Variants in STX8 observed in about 807,000 individuals in gnomAD.
STX8 encodes the protein syntaxin 8, also known as syntaxin-8.
STX8 carries 23 observed loss-of-function variants against 37.5 expected under a neutral mutation model. That is an observed-to-expected ratio of 0.61 (90% confidence interval 0.44 to 0.87). STX8 has a LOEUF of 0.87. Among genes scored for constraint, STX8 ranks in the 40% least tolerant of loss-of-function variants. STX8 has a pLI of 0.00. For synonymous variants in STX8, 115 were observed against 99.1 expected (o/e 1.16, Z -0.95); for missense variants, 313 against 284.7 (o/e 1.10, Z -0.71).
intron 6 of STX8, among the ~76,000 whole-genome samples, chr17:9,448,925 T>C (rs1190195383): frequency 6.6e-6 from 1 of 152,110 alleles, no homozygotes; most frequent in Non-Finnish European, 1.5e-5. Context: ...CTCTACATTA[T>C]TAAAAAAATA....
chr17:9,333,271 C>T (rs549184466), intron 7 of STX8, among the ~76,000 whole-genome samples: 2 of 152,300 alleles, frequency 1.3e-5, no homozygotes, highest in East Asian at 1.9e-4. Flanking sequence ...CCACAATAGT[C>T]CCCAATGTCT....
chr17:9,385,766 GTTT>G (rs1190442954), intron 6 of STX8, among the ~76,000 whole-genome samples: 1 of 151,980 alleles, frequency 6.6e-6, no homozygotes, highest in African/African-American at 2.4e-5. Context: ...TTACTCCTAG[GTTT>G]TTTGTTTTTT....
intron 7 of STX8, among the ~76,000 whole-genome samples, chr17:9,254,347 T>C (rs1906705409): frequency 6.6e-6 from 1 of 152,030 alleles, no homozygotes; most frequent in African/African-American, 2.4e-5. Context: ...CTCTTTGTCA[T>C]CCTCCAGTTA....
At chr17:9,433,850 G>A (rs1243419848) in intron 6 of STX8, among the ~76,000 whole-genome samples, 2 of 152,124 alleles carry the variant, frequency 1.3e-5, no homozygotes, top group Non-Finnish European at 2.9e-5. Context: ...CTACGGTTGT[G>A]TGTGTCTTTT....
chr17:9,382,674 A>G (rs1357154072), intron 6 of STX8, among the ~76,000 whole-genome samples: 3 of 152,238 alleles, frequency 2.0e-5, no homozygotes, highest in African/African-American at 4.8e-5. Context: ...TGGCAAAGCT[A>G]TATTAATATC....
chr17:9,263,105 G>A (rs1907105854), intron 7 of STX8, among the ~76,000 whole-genome samples: 1 of 152,192 alleles, frequency 6.6e-6, no homozygotes, highest in African/African-American at 2.4e-5. Flanking sequence ...CTCTGAAGGG[G>A]CTAAAGTCCC....
chr17:9,360,115 A>C (rs1418332203), intron 7 of STX8, among the ~76,000 whole-genome samples: 1 of 151,702 alleles, frequency 6.6e-6, no homozygotes, highest in South Asian at 2.1e-4. Flanking sequence ...AAATTACACT[A>C]TTTTAACCTT....
At chr17:9,484,732 CA>C (rs1304928731) in intron 6 of STX8, among the ~76,000 whole-genome samples, 9 of 151,374 alleles carry the variant, frequency 5.9e-5, no homozygotes, top group Admixed American at 5.9e-4. Flanking sequence ...GAGGCTGAGG[CA>C]CAAGAATCAC....
intron 7 of STX8, among the ~76,000 whole-genome samples, chr17:9,304,507 C>CAAAAAAAAAAAAAAAAAA (rs35673905): frequency 1.1e-3 from 60 of 56,630 alleles, no homozygotes; most frequent in East Asian, 1.8e-3. Flanking sequence ...GAAACTGTCT[C>CAAAAAAAAAAAAAAAAAA]AAAAAAAAAA....
At chr17:9,351,482 G>A (rs1032577320) in intron 7 of STX8, among the ~76,000 whole-genome samples, 1 of 151,930 alleles carries the variant, frequency 6.6e-6, no homozygotes, top group Admixed American at 6.6e-5. Context: ...ACTTAAACAT[G>A]CATCTCCTAA....
At position 9,475,404 on chromosome 17, in the gene STX8, T is replaced by C. The variant is rs79516601; in HGVS notation, c.541+16425A>G. Among the ~76,000 whole-genome samples the C allele has an allele frequency of 2.2e-3, 342 of 152,290 alleles. 7 individuals are homozygous for C. The East Asian group carries it at 0.058, about 26-fold the overall frequency. On this transcript the variant is annotated intron_variant, in intron 6 of 7. Transcript: ENST00000306357. ...GCTCCAAGCTTAGAGTCAATGGCTA[T>C]TGGCAGCCACAGAATGGCCTACAAA...
At chr17:9,417,082 G>A (rs969651263) in intron 6 of STX8, among the ~76,000 whole-genome samples, 1 of 152,104 alleles carries the variant, frequency 6.6e-6, no homozygotes, top group Non-Finnish European at 1.5e-5. Flanking sequence ...CCAATCAGCA[G>A]CACCCATTAC....
At chr17:9,481,568 C>T (rs983002651) in intron 6 of STX8, among the ~76,000 whole-genome samples, 51 of 152,126 alleles carry the variant, frequency 3.4e-4, no homozygotes, top group African/African-American at 1.1e-3. Flanking sequence ...CTCTTATCAC[C>T]AGGAGGGTCA....
chr17:9,350,384 A>T (rs1272496144), intron 7 of STX8, among the ~76,000 whole-genome samples: 5 of 152,246 alleles, frequency 3.3e-5, no homozygotes, highest in African/African-American at 1.2e-4. Flanking sequence ...AACTGTGGAA[A>T]GCAAGACCAA....
At chr17:9,411,800 G>A (rs1460301789) in intron 6 of STX8, among the ~76,000 whole-genome samples, 1 of 152,100 alleles carries the variant, frequency 6.6e-6, no homozygotes, top group Non-Finnish European at 1.5e-5. Context: ...TTAATATGCT[G>A]CATTTACTTC....
intron 6 of STX8, among the ~76,000 whole-genome samples, chr17:9,402,735 A>G (rs1383398768): frequency 6.6e-6 from 1 of 152,196 alleles, no homozygotes; most frequent in Non-Finnish European, 1.5e-5. Context: ...CTGAACTCTA[A>G]GAATTCCTCC....
chr17:9,393,508 G>A (rs763903026), intron 6 of STX8, among the ~76,000 whole-genome samples: 4 of 152,172 alleles, frequency 2.6e-5, no homozygotes, highest in Admixed American at 6.5e-5. Flanking sequence ...TTCAATGCAC[G>A]TAAGTATAAT....
At chr17:9,349,316 C>CTTTTTTT (rs61627405) in intron 7 of STX8, among the ~76,000 whole-genome samples, 15 of 109,788 alleles carry the variant, frequency 1.4e-4, no homozygotes, top group East Asian at 4.8e-4. Flanking sequence ...ATTTTCTTTT[C>CTTTTTTT]TTTTTTTTTT....
intron 2 of STX8, among the ~76,000 whole-genome samples, chr17:9,559,760 A>ATATATATATATATTT: frequency 6.9e-4 from 17 of 24,494 alleles, no homozygotes; most frequent in East Asian, 2.7e-3. Context: ...ATATATATAT[A>ATATATATATATATTT]TTTTTTTTTT....
Sources: allele counts gnomAD v4.1 joint callset (sites outside exome capture counted in the v4.1 genomes callset), GRCh38; gene constraint gnomAD v4.1.1; transcripts MANE v1.5; gene names NCBI Gene and HGNC (gene_info 2026-07-23, HGNC 2026-07-21).